The following LRP1B variants were observed in gnomAD, a reference collection of about 807,000 sequenced individuals.
LRP1B encodes the protein low-density lipoprotein receptor-related protein 1B.
Under a neutral mutation model 556.6 loss-of-function variants are expected in LRP1B, and 217 were observed. The ratio of observed to expected loss-of-function variants is 0.39; its 90% CI spans 0.35 to 0.44. The LOEUF is 0.44. LRP1B is among the 20% of genes least tolerant of loss of function. The pLI, the probability that LRP1B is intolerant of heterozygous loss-of-function variation, is 1.00. For synonymous variants in LRP1B, 2,047 were observed against 1,865.8 expected (o/e 1.10, Z -2.50); for missense variants, 5,053 against 5,620.8 (o/e 0.90, Z 3.23).
chr2:141,202,570 G>A (rs1044851343), intron 6 of LRP1B, among the ~76,000 whole-genome samples: 2 of 151,830 alleles, frequency 1.3e-5, no homozygotes, highest in South Asian at 2.1e-4. Flanking sequence ...CTGCAACCTC[G>A]CCAGCGTATG....
intron 25 of LRP1B, among the ~76,000 whole-genome samples, chr2:140,868,988 T>C (rs1693040571): frequency 6.6e-6 from 1 of 152,084 alleles, no homozygotes; most frequent in Non-Finnish European, 1.5e-5. Flanking sequence ...GGCTACCAGT[T>C]CTGGGTCGAA....
intron 23 of LRP1B, among the ~76,000 whole-genome samples, chr2:140,890,572 A>C (rs1693769422): frequency 6.6e-6 from 1 of 152,080 alleles, no homozygotes; most frequent in East Asian, 1.9e-4. Flanking sequence ...TGACTGAAAT[A>C]AAATAAACAA....
chr2:140,514,450 A>G (rs186727351), intron 51 of LRP1B, among the ~76,000 whole-genome samples: 1 of 152,040 alleles, frequency 6.6e-6, no homozygotes, highest in Non-Finnish European at 1.5e-5. Flanking sequence ...TTAAGGAAAA[A>G]TACCAAATAT....
chr2:140,521,094 G>C (rs975217895), intron 49 of LRP1B, among the ~76,000 whole-genome samples: 1 of 151,962 alleles, frequency 6.6e-6, no homozygotes, highest in African/African-American at 2.4e-5. Flanking sequence ...TCATGAGAGA[G>C]AAGAGAAAGT....
chr2:141,958,590 G>T (rs1332612656), intron 1 of LRP1B, among the ~76,000 whole-genome samples: 7 of 151,958 alleles, frequency 4.6e-5, no homozygotes, highest in African/African-American at 1.7e-4. Flanking sequence ...GTCTTAGAAA[G>T]AATATAATTG....
intron 1 of LRP1B, among the ~76,000 whole-genome samples, chr2:142,082,335 C>CT (rs1298708562): frequency 3.3e-5 from 5 of 151,862 alleles, no homozygotes; most frequent in Admixed American, 6.6e-5. Flanking sequence ...ATTACTTTGG[C>CT]TTTTTTTTCT....
At chr2:141,382,588 A>G (rs187088033) in intron 3 of LRP1B, among the ~76,000 whole-genome samples, 1 of 152,186 alleles carries the variant, frequency 6.6e-6, no homozygotes, top group Non-Finnish European at 1.5e-5. Context: ...AAAACCAACA[A>G]GATAGGTTTG....
In LRP1B at chr2:140,241,980, C is replaced by CT. The variant is rs142369553; in HGVS notation, c.13325-2449dup. On this transcript the variant is annotated intron_variant, in intron 87 of 90. Coordinates refer to ENST00000389484, the MANE Select transcript of LRP1B (RefSeq NM_018557.3). ...TTCTCATAAAAAAAATAGAGCAAGT[C>CT]TTTTTTTGCAACATGGTTCTGAAAC... is the stretch of plus-strand genomic sequence containing the variant. 5.8e-3 allele frequency among the ~76,000 whole-genome samples: 877 copies of CT among 150,648 alleles called. 10 individuals carry two copies. Among genetic ancestry groups the CT allele is most frequent in the African/African-American group, 0.019 (785 of 41,266 alleles).
At chr2:140,979,097 A>C (rs533395736) in intron 18 of LRP1B, among the ~76,000 whole-genome samples, 1 of 152,116 alleles carries the variant, frequency 6.6e-6, no homozygotes, top group South Asian at 2.1e-4. Flanking sequence ...CTCCCACCTC[A>C]GCCTCTCGAG....
At chr2:141,078,413 C>T (rs139531764) in intron 7 of LRP1B, among the ~76,000 whole-genome samples, 21 of 152,294 alleles carry the variant, frequency 1.4e-4, no homozygotes, top group African/African-American at 5.1e-4. Flanking sequence ...CTTCTCCTAG[C>T]TAATTAGACC....
intron 43 of LRP1B, among the ~76,000 whole-genome samples, chr2:140,565,096 G>A (rs1181973035): frequency 7.9e-6 from 1 of 126,356 alleles, no homozygotes; most frequent in Non-Finnish European, 1.8e-5. Flanking sequence ...ATTCTAAGTG[G>A]AAAAAAAGTA....
At chr2:140,671,530 A>C (rs1685485257) in intron 41 of LRP1B, among the ~76,000 whole-genome samples, 1 of 151,936 alleles carries the variant, frequency 6.6e-6, no homozygotes, top group Non-Finnish European at 1.5e-5. Context: ...CAAACAAACA[A>C]ACAAACAAAA....
intron 1 of LRP1B, among the ~76,000 whole-genome samples, chr2:141,934,140 C>T (rs566048146): frequency 6.6e-6 from 1 of 152,056 alleles, no homozygotes; most frequent in Admixed American, 6.5e-5. Context: ...AAAAATATTG[C>T]TTTTTATATG....
At chr2:141,452,078 T>A (rs1458298781) in intron 3 of LRP1B, among the ~76,000 whole-genome samples, 1 of 152,214 alleles carries the variant, frequency 6.6e-6, no homozygotes, top group Non-Finnish European at 1.5e-5. Flanking sequence ...ACTATCTACC[T>A]TATTACCATA....
At chr2:141,450,299 C>T (rs1174570831) in intron 3 of LRP1B, among the ~76,000 whole-genome samples, 1 of 152,122 alleles carries the variant, frequency 6.6e-6, no homozygotes, top group Non-Finnish European at 1.5e-5. Context: ...AGAGTCTGGC[C>T]AAATATCAAA....
chr2:140,635,505 A>G, intron 41 of LRP1B, among the ~76,000 whole-genome samples: 1 of 152,036 alleles, frequency 6.6e-6, no homozygotes, highest in South Asian at 2.1e-4. Flanking sequence ...TAACATAGAT[A>G]AATTTTATTT....
chr2:140,274,468 C>T lies in LRP1B; in HGVS notation c.13098G>A (p.Gly4366=), dbSNP rs2104951961. The change falls in exon 85 of 91, where the codon GGG becomes GGA. Residue 4366 remains glycine (G), a synonymous_variant. Coordinates refer to ENST00000389484, the MANE Select transcript of LRP1B (RefSeq NM_018557.3). The part of the protein sequence containing the change: ...CEVDKCVRCH[G]GHCIINKDSE... Reference sequence around the variant, plus strand: ...TGTCTTTATTTATAATGCAGTGCCCCCCATGGCACCTTACACACTTGTCAA... The same window carrying T: ...TGTCTTTATTTATAATGCAGTGCCCTCCATGGCACCTTACACACTTGTCAA... 6.2e-7 allele frequency: 1 copy of T among 1,612,674 alleles called. No individual in the cohort carries two copies. Among genetic ancestry groups the T allele is most frequent in the Non-Finnish European group, 8.5e-7 (1 of 1,179,128 alleles).
At chr2:140,820,061 A>G (rs1178676620) in intron 31 of LRP1B, among the ~76,000 whole-genome samples, 2 of 152,156 alleles carry the variant, frequency 1.3e-5, no homozygotes, top group Non-Finnish European at 2.9e-5. Context: ...GTGCAGTGGC[A>G]TGACCTCAGC....
At position 141,965,756 on chromosome 2, in the gene LRP1B, T is replaced by A. The variant is rs943068055; in HGVS notation, c.83-155355A>T. On this transcript the variant is annotated intron_variant, in intron 1 of 90. Transcript: ENST00000389484. Reference sequence around the variant, plus strand: ...AAACTTAAAGTAGAATTAAAAAAAATAATAATAATAGTAATAATAAATAAA... The same window carrying A: ...AAACTTAAAGTAGAATTAAAAAAAAAAATAATAATAGTAATAATAAATAAA... Among the ~76,000 whole-genome samples, 394 of 48,436 alleles carry A rather than the reference T, an allele frequency of 8.1e-3. 1 individual carries two copies. Among genetic ancestry groups the A allele is most frequent in the African/African-American group, 0.017 (346 of 20,448 alleles). The allele number at this position is 48,436 out of a possible 152,430, so 31.8% of individuals were successfully genotyped here.
Sources: allele counts gnomAD v4.1 joint callset (sites outside exome capture counted in the v4.1 genomes callset), GRCh38; gene constraint gnomAD v4.1.1; transcripts MANE v1.5; gene names NCBI Gene and HGNC (gene_info 2026-07-23, HGNC 2026-07-21).